The following CCNI variants were observed in gnomAD, a reference collection of about 807,000 sequenced individuals.
The protein encoded by CCNI is cyclin I.
A neutral mutation model predicts 34.1 loss-of-function variants in CCNI; 14 were observed. The observed-to-expected ratio is 0.41, with a 90% confidence interval of 0.27 to 0.64. The LOEUF (loss-of-function observed/expected upper bound fraction) is 0.64. Ranked by LOEUF, CCNI falls within the 30% of genes least tolerant of loss-of-function variation. The pLI, the probability that CCNI is intolerant of heterozygous loss-of-function variation, is 0.31. For missense variants in CCNI, 385 were observed against 440.5 expected (o/e 0.87, Z 1.13); for synonymous variants, 154 against 158.4 (o/e 0.97, Z 0.21).
intron 2 of CCNI, among the ~76,000 whole-genome samples, chr4:77,063,291 A>G (rs1231004297): frequency 6.7e-6 from 1 of 148,684 alleles, no homozygotes; most frequent in Non-Finnish European, 1.5e-5. Flanking sequence ...TTCCATTTTT[A>G]CCAACACTTC....
chr4:77,059,145 A>G (rs1041607721), intron 2 of CCNI, among the ~76,000 whole-genome samples: 4 of 152,262 alleles, frequency 2.6e-5, no homozygotes, highest in East Asian at 1.9e-4. Context: ...TGAATTATAC[A>G]CTTAGAGATG....
chr4:77,066,062 C>CA (rs775691546), intron 2 of CCNI, 187 bp downstream of exon 2: 135 of 533,912 alleles, frequency 2.5e-4, no homozygotes, highest in Admixed American at 1.2e-3. Flanking sequence ...GATCATGCCA[C>CA]AGCACTCCAG....
chr4:77,071,860 G>C (rs1299093226), intron 1 of CCNI, among the ~76,000 whole-genome samples: 1 of 152,078 alleles, frequency 6.6e-6, no homozygotes, highest in African/African-American at 2.4e-5. Flanking sequence ...AAAGAAAAAA[G>C]CTGAGTATTT....
intron 5 of CCNI, 63 bp downstream of exon 5, chr4:77,055,899 T>C: frequency 7.4e-7 from 1 of 1,357,656 alleles, no homozygotes; most frequent in South Asian, 1.4e-5. Flanking sequence ...AGGCAATCTA[T>C]TTTTTAATTT....
intron 2 of CCNI, among the ~76,000 whole-genome samples, chr4:77,059,970 G>C (rs1728493633): frequency 6.6e-6 from 1 of 152,104 alleles, no homozygotes; most frequent in Admixed American, 6.5e-5. Context: ...AGAGGTAGGT[G>C]ATGTTATAAT....
At chr4:77,048,962 GTTTTTTTTTTT>G (rs538284505) in intron 6 of CCNI, among the ~76,000 whole-genome samples, 9 of 47,648 alleles carry the variant, frequency 1.9e-4, no homozygotes, top group South Asian at 1.0e-3. Context: ...TCCAACGTCT[GTTTTTTTTTTT>G]TTTTTTTTTT....
In CCNI at chr4:77,062,322, T is replaced by C. The variant is rs541389778; in HGVS notation, c.115-3687A>G. Reference sequence around the variant, plus strand: ...TGGCTCACAATTGTAATCCCAGTACTGTAGGGGGCCAAGGCAGGAAAACTG... The same window carrying C: ...TGGCTCACAATTGTAATCCCAGTACCGTAGGGGGCCAAGGCAGGAAAACTG... On this transcript the variant is annotated intron_variant, in intron 2 of 6. Transcript: ENST00000237654. Among the ~76,000 whole-genome samples the C allele has an allele frequency of 3.3e-5, 5 of 152,334 alleles. No homozygotes were observed. In the East Asian group the frequency reaches 7.7e-4, roughly 23 times the overall value.
At position 77,048,440 on chromosome 4, in the gene CCNI, C is replaced by G. The variant is rs948019394; in HGVS notation, c.913G>C (p.Ala305Pro). The change falls in exon 7 of 7, where the codon GCC (alanine) becomes CCC (proline). Residue 305 changes from alanine (A) to proline (P), a missense_variant. Coordinates refer to ENST00000237654, the MANE Select transcript of CCNI (RefSeq NM_006835.3). ...KPEVPVRGTA[A>P]FYHHLPAASG... ...GCAGCTGGGAGATGATGGTAAAAGG[C>G]TGCTGTACCTCTGACTGGCACTTCT... 3 of 1,614,006 alleles carry G rather than the reference C, an allele frequency of 1.9e-6. No homozygotes were observed. The highest frequency in any genetic ancestry group is 2.5e-6 in the Non-Finnish European group (3 of 1,180,028).
In CCNI at chr4:77,064,585, G is replaced by GCGCGCACACACA. The variant is rs375436623; in HGVS notation, c.114+1663_114+1664insTGTGTGTGCGCG. The GCGCGCACACACA allele has an allele frequency of 1.2e-3, 165 of 143,092 alleles. 1 individual carries two copies. The highest frequency in any genetic ancestry group is 4.1e-3 in the African/African-American group (157 of 37,980). The allele number at this position is 143,092 out of a possible 1,614,324, so 8.9% of individuals were successfully genotyped here. On this transcript the variant is annotated intron_variant, in intron 2 of 6. Transcript: ENST00000237654. ...CTAAAAATCACACATGCGCGCGCGC[G>GCGCGCACACACA]CACACACACACACACACACACACAC...
At position 77,069,440 on chromosome 4, in the gene CCNI, TA is replaced by T. The variant is rs751688693; in HGVS notation, c.-43-3036del. Among the ~76,000 whole-genome samples the T allele has an allele frequency of 1.8e-3, 256 of 142,706 alleles. 1 individual carries two copies. Among genetic ancestry groups the T allele is most frequent in the South Asian group, 0.013 (58 of 4,582 alleles). The allele number at this position is 142,706 out of a possible 152,430, so 93.6% of individuals were successfully genotyped here. ...TGCCAATATCATTTTTATATATATA[TA>T]TTTTTTTTATTATTATACTTTAAGT... On this transcript the variant is annotated intron_variant, in intron 1 of 6. Coordinates refer to ENST00000237654, the MANE Select transcript of CCNI (RefSeq NM_006835.3).
At position 77,047,570 on chromosome 4, in the gene CCNI, T is replaced by C. The variant is rs1001976599; in HGVS notation, c.*649A>G. The C allele has an allele frequency of 6.6e-6, 1 of 152,254 alleles. No individual in the cohort carries two copies. The highest frequency in any genetic ancestry group is 2.4e-5 in the African/African-American group (1 of 41,474). The allele number at this position is 152,254 out of a possible 1,614,324, so 9.4% of individuals were successfully genotyped here. On this transcript the variant is annotated 3_prime_UTR_variant, in exon 7 of 7. Transcript: ENST00000237654. The stretch of plus-strand genomic sequence containing the variant: ...AAGTGTCCTAATTACATGCCACTTT[T>C]AAGCATCACTTTAAGGTAAACAAAA...
chr4:77,049,744 C>G (rs1349628665), intron 6 of CCNI, among the ~76,000 whole-genome samples: 2 of 151,436 alleles, frequency 1.3e-5, no homozygotes, highest in African/African-American at 4.8e-5. Context: ...GTATAATAAT[C>G]TATTTAACCA....
intron 1 of CCNI, among the ~76,000 whole-genome samples, chr4:77,071,584 T>C (rs943174263): frequency 2.0e-5 from 3 of 152,070 alleles, no homozygotes; most frequent in African/African-American, 4.8e-5. Flanking sequence ...TTTGAAAAGA[T>C]CAAAATGGAC....
intron 6 of CCNI, among the ~76,000 whole-genome samples, chr4:77,053,551 T>C (rs1728013955): frequency 6.6e-6 from 1 of 152,204 alleles, no homozygotes; most frequent in Non-Finnish European, 1.5e-5. Flanking sequence ...ATCTCAAAGC[T>C]ACAGAATACA....
intron 6 of CCNI, 33 bp from the exon 7 acceptor site, chr4:77,048,695 T>C (rs1226463437): frequency 1.4e-6 from 2 of 1,470,878 alleles, no homozygotes; most frequent in Non-Finnish European, 1.8e-6. Flanking sequence ...CCACACACAG[T>C]TGATCATTAA....
intron 2 of CCNI, 61 bp downstream of exon 2, chr4:77,066,188 G>T: frequency 7.7e-7 from 1 of 1,298,830 alleles, no homozygotes; most frequent in Non-Finnish European, 1.1e-6. Flanking sequence ...ATATTATTAT[G>T]TATGGCAGTA....
At chr4:77,062,737 A>C (rs549570602) in intron 2 of CCNI, among the ~76,000 whole-genome samples, 4 of 152,198 alleles carry the variant, frequency 2.6e-5, no homozygotes, top group Admixed American at 2.6e-4. Flanking sequence ...GCAGGGTTTT[A>C]TCTTTGTAAA....
In CCNI at chr4:77,066,402, C is replaced by G; in HGVS notation, c.-40G>C. 3.1e-6 allele frequency: 5 copies of G among 1,611,052 alleles called. No individual in the cohort carries two copies. The highest frequency in any genetic ancestry group is 1.7e-5 in the Admixed American group (1 of 59,354). On this transcript the variant is annotated 5_prime_UTR_variant, in exon 2 of 7. Transcript: ENST00000237654. The stretch of plus-strand genomic sequence containing the variant: ...CTGCCTGCTACCCAGCTTGCTGTAG[C>G]TACCTACAGAATCAAGTAAGTTTTA...
At chr4:77,050,301 C>G (rs1727739750) in intron 6 of CCNI, among the ~76,000 whole-genome samples, 1 of 151,930 alleles carries the variant, frequency 6.6e-6, no homozygotes, top group Admixed American at 6.6e-5. Context: ...ATTTCTGTAC[C>G]AAGTCTTACT....
Sources: gnomAD v4.1 joint callset for allele counts (sites outside exome capture counted in the v4.1 genomes callset) on GRCh38, gnomAD v4.1.1 for gene constraint, MANE v1.5 for transcripts, NCBI Gene and HGNC (gene_info 2026-07-23, HGNC 2026-07-21) for gene names.